FNBP4: variants seen among roughly 807,000 people sequenced by gnomAD.
FNBP4 encodes the protein formin binding protein 4.
In FNBP4, 34 loss-of-function variants were observed where a neutral mutation model predicts 119.3. That is an observed-to-expected ratio of 0.28 (90% CI 0.22 to 0.38). The LOEUF (loss-of-function observed/expected upper bound fraction) is 0.38. Among genes scored for constraint, FNBP4 ranks in the 10% least tolerant of loss-of-function variants. FNBP4 has a pLI of 1.00. For missense variants in FNBP4, 1,112 were observed against 1,228.9 expected (o/e 0.90, Z 1.42); for synonymous variants, 462 against 430.6 (o/e 1.07, Z -0.90).
intron 12 of FNBP4, chr11:47,729,241 G>A (rs754994280): frequency 1.3e-4 from 128 of 985,216 alleles, no homozygotes; most frequent in Non-Finnish European, 1.4e-4. Context: ...GAAGAGCTCA[G>A]TTTAGCAATT....
chr11:47,726,792 C>T (rs1206041442), intron 12 of FNBP4: 4 of 152,174 alleles, frequency 2.6e-5, no homozygotes, highest in Non-Finnish European at 5.9e-5. Flanking sequence ...ACGTTGAGGA[C>T]TAACTTAATT....
rs921386382 is a variant in FNBP4, at chr11:47,728,192, C to T, written c.2008+3182G>A. ...CACTTGGCCTACGCAGCTTTTATTA[C>T]GTGCTCAAAGATTTAAAAGCTACAA... On this transcript the variant is annotated intron_variant, in intron 12 of 16. Coordinates refer to ENST00000263773, the MANE Select transcript of FNBP4 (RefSeq NM_015308.5). 1.2e-4 allele frequency among the ~76,000 whole-genome samples: 18 copies of T among 151,476 alleles called. No homozygotes were observed. In the South Asian group the frequency reaches 1.5e-3, roughly 12 times the overall value.
chr11:47,717,599 T>C, intron 16 of FNBP4, 87 bp from the exon 17 acceptor site: 2 of 981,536 alleles, frequency 2.0e-6, no homozygotes, highest in South Asian at 1.4e-5. Flanking sequence ...CTAACTGAAA[T>C]TAAAAACCTG....
Position 47,754,580 on chromosome 11 carries a change from G to A in FNBP4, c.398C>T (p.Thr133Ile). Residue 133 changes from threonine to isoleucine, a missense_variant, in exon 3 of 17, where the codon ACA becomes ATA. This residue lies in a region of FNBP4 where 286 missense variants were observed against 240.1 expected (regional missense o/e 1.19). Coordinates refer to ENST00000263773, the MANE Select transcript of FNBP4 (RefSeq NM_015308.5). ...AATATCAGTTGACTGGTTTCCATTT[G>A]TCTCTTTGGATTGTGCTAGTTTTTC... ...VSEKLAQSKE[T>I]NGNQSTDIDS... 1.2e-6 allele frequency: 2 copies of A among 1,614,118 alleles called. No individual in the cohort carries two copies. The highest frequency in any genetic ancestry group is 1.7e-6 in the Non-Finnish European group (2 of 1,180,014).
At chr11:47,765,870 T>TTTTTTTTTTTTC (rs2097646740) in intron 1 of FNBP4, among the ~76,000 whole-genome samples, 1 of 144,420 alleles carries the variant, frequency 6.9e-6, no homozygotes, top group African/African-American at 2.5e-5. Flanking sequence ...TTTTTTTTTT[T>TTTTTTTTTTTTC]GAGACGGAGT....
chr11:47,718,096 G>A (rs558147119), intron 16 of FNBP4, among the ~76,000 whole-genome samples: 1 of 151,626 alleles, frequency 6.6e-6, no homozygotes, highest in Admixed American at 6.6e-5. Context: ...ACCATTAAAG[G>A]CACACTGAAG....
At chr11:47,738,145 T>C (rs920307429) in intron 8 of FNBP4, among the ~76,000 whole-genome samples, 2 of 152,220 alleles carry the variant, frequency 1.3e-5, no homozygotes, top group Admixed American at 6.5e-5. Flanking sequence ...CTATTGGTAA[T>C]GGGAATCTCC....
chr11:47,723,237 T>G lies in FNBP4; in HGVS notation c.2544A>C (p.Gly848=). ...QTIPVSLPAA[G]MGHQARGMSL... ...TCATTCCTCTGGCCTGATGACCCAT[T>G]CCTGCTGCTGGAAGGCTAACTGGTA... Residue 848 remains glycine (G), a synonymous_variant, in exon 15 of 17, where the codon GGA becomes GGC. Transcript: ENST00000263773. The G allele has an allele frequency of 6.2e-7, 1 of 1,614,204 alleles. No homozygotes were observed. The highest frequency in any genetic ancestry group is 2.2e-5 in the East Asian group (1 of 44,878).
chr11:47,763,569 C>T (rs986358084), intron 2 of FNBP4, among the ~76,000 whole-genome samples: 3 of 151,932 alleles, frequency 2.0e-5, no homozygotes, highest in African/African-American at 4.8e-5. Flanking sequence ...GGCGTGATCT[C>T]GGCTCACTGC....
chr11:47,735,822 G>A (rs1254947922), intron 9 of FNBP4, among the ~76,000 whole-genome samples: 3 of 152,142 alleles, frequency 2.0e-5, no homozygotes, highest in East Asian at 3.9e-4. Context: ...GCTCATGCCT[G>A]TAATCCCAGC....
chr11:47,734,769 T>TA lies in FNBP4; in HGVS notation c.1582-641dup, dbSNP rs199715667. On this transcript the variant is annotated intron_variant, in intron 9 of 16. Transcript: ENST00000263773. ...GCAGGTGGATCACAAGGTCAATAGATAGAGACCATCCTCGCCAACATCGTG... is the reference window on the plus strand; with the variant it reads ...GCAGGTGGATCACAAGGTCAATAGATAAGAGACCATCCTCGCCAACATCGTG... 8.1e-3 allele frequency among the ~76,000 whole-genome samples: 1,235 copies of TA among 152,032 alleles called. 20 individuals are homozygous for TA. The highest frequency in any genetic ancestry group is 0.028 in the African/African-American group (1,162 of 41,472).
chr11:47,748,890 G>A (rs1179392471), intron 6 of FNBP4, among the ~76,000 whole-genome samples: 3 of 152,082 alleles, frequency 2.0e-5, no homozygotes, highest in East Asian at 1.9e-4. Flanking sequence ...CAAGTGATCC[G>A]CCTGCCTTGA....
In FNBP4 at chr11:47,724,055, G is replaced by C. The variant is rs778476742; in HGVS notation, c.2437C>G (p.Leu813Val). ...GTAGCTATAGCTGACTGGCTATAGAGAACTGGAGAACTGCCAATGGTAGCT... is the reference window on the plus strand; with the variant it reads ...GTAGCTATAGCTGACTGGCTATAGACAACTGGAGAACTGCCAATGGTAGCT... ...RSATIGSSPV[L>V]YSQSAIATGH... The change falls in exon 14 of 17, where the codon CTC (leucine) becomes GTC (valine). Residue 813 changes from leucine to valine, a missense_variant. Transcript: ENST00000263773. The C allele has an allele frequency of 3.1e-6, 5 of 1,614,204 alleles. No homozygotes were observed. In the Admixed American group the frequency reaches 8.3e-5, roughly 27 times the overall value.
intron 9 of FNBP4, among the ~76,000 whole-genome samples, chr11:47,734,979 C>CG (rs1491372300): frequency 5.2e-4 from 43 of 82,906 alleles, no homozygotes; most frequent in African/African-American, 2.1e-3. Flanking sequence ...CACCCCAACA[C>CG]CCCCCCCCCC....
intron 14 of FNBP4, 67 bp downstream of exon 14, chr11:47,723,961 T>C: frequency 7.0e-7 from 1 of 1,424,740 alleles, no homozygotes; most frequent in Non-Finnish European, 9.6e-7. Context: ...TTAGTTTTTA[T>C]GGCATCTAAT....
intron 9 of FNBP4, among the ~76,000 whole-genome samples, chr11:47,735,629 G>C (rs2097572930): frequency 6.6e-6 from 1 of 152,176 alleles, no homozygotes; most frequent in African/African-American, 2.4e-5. Context: ...CAATTGAGCA[G>C]TTAGAATTTT....
At chr11:47,731,885 A>G in intron 11 of FNBP4, 1 of 1,035,624 alleles carries the variant, frequency 9.7e-7, no homozygotes, top group Non-Finnish European at 1.2e-6. Context: ...AAGGGACTCA[A>G]TCGCCTAGAA....
At chr11:47,736,519 C>T (rs1352692793) in intron 9 of FNBP4, 97 bp downstream of exon 9, 3 of 975,060 alleles carry the variant, frequency 3.1e-6, no homozygotes, top group Non-Finnish European at 4.4e-6. Context: ...GAGATCGTGC[C>T]ACTGCACTCC....
intron 12 of FNBP4, chr11:47,729,934 G>A: frequency 2.0e-6 from 2 of 985,366 alleles, no homozygotes; most frequent in Non-Finnish European, 1.2e-6. Context: ...TTTTATCAGT[G>A]GCTTTTTCCT....
Sources: allele counts gnomAD v4.1 joint callset (sites outside exome capture counted in the v4.1 genomes callset), GRCh38; gene constraint gnomAD v4.1.1; regional missense constraint gnomAD v4.1.1; transcripts MANE v1.5; gene names NCBI Gene and HGNC (gene_info 2026-07-23, HGNC 2026-07-21).